CLCN4: variants seen among roughly 807,000 people sequenced by gnomAD.
CLCN4 encodes H(+)/Cl(-) exchange transporter 4.
A neutral mutation model predicts 41.7 loss-of-function variants in CLCN4; 1 was observed. The observed-to-expected ratio is 0.02, with a 90% confidence interval of 0.01 to 0.11. The LOEUF (loss-of-function observed/expected upper bound fraction) is 0.11, where lower values mean the gene tolerates loss of function less well. Ranked by LOEUF, CLCN4 falls within the 10% of genes least tolerant of loss-of-function variation. The pLI is 1.00. For synonymous variants in CLCN4, 277 were observed against 285.8 expected (o/e 0.97, Z 0.31); for missense variants, 287 against 661.0 (o/e 0.43, Z 6.20).
At chrX:10,191,987 G>A (rs1923980083) in intron 4 of CLCN4, among the ~76,000 whole-genome samples, 1 of 111,127 alleles carries the variant, frequency 9.0e-6, no homozygotes, top group Non-Finnish European at 1.9e-5. Flanking sequence ...TACATGTTCA[G>A]TAACTATCCC....
intron 2 of CLCN4, among the ~76,000 whole-genome samples, chrX:10,179,115 T>C (rs945281231): frequency 8.9e-6 from 1 of 112,636 alleles, no homozygotes; most frequent in African/African-American, 3.2e-5. Context: ...TAATGACAGA[T>C]AATCACAGCT....
At chrX:10,227,558 A>G (rs911526853) in intron 12 of CLCN4, among the ~76,000 whole-genome samples, 1 of 111,906 alleles carries the variant, frequency 8.9e-6, no homozygotes, top group Non-Finnish European at 1.9e-5. Flanking sequence ...TTTAAAATGC[A>G]TGATTCAGTG....
chrX:10,164,898 C>T (rs1243463076), intron 2 of CLCN4, among the ~76,000 whole-genome samples: 4 of 112,454 alleles, frequency 3.6e-5, no homozygotes, highest in Admixed American at 9.3e-5. Context: ...GTCAGGCTGC[C>T]GGTGGCTCCG....
At position 10,195,477 on chromosome X, in the gene CLCN4, TA is replaced by T. The variant is rs373440130; in HGVS notation, c.432+387del. On this transcript the variant is annotated intron_variant, in intron 5 of 12. Transcript: ENST00000380833. ...GAACATAACTTTTTAAGTTATCCTTTAAAAAAAACAGCTTTAGTGAGATAAA... is the reference window on the plus strand; with the variant it reads ...GAACATAACTTTTTAAGTTATCCTTTAAAAAAACAGCTTTAGTGAGATAAA... Among the ~76,000 whole-genome samples, 43 of 111,754 alleles carry T rather than the reference TA, an allele frequency of 3.8e-4. No homozygotes were observed. In the East Asian group the frequency reaches 9.2e-3, roughly 24 times the overall value.
chrX:10,184,555 G>C (rs1923763499), intron 2 of CLCN4, among the ~76,000 whole-genome samples: 1 of 111,805 alleles, frequency 8.9e-6, no homozygotes, highest in African/African-American at 3.3e-5. Flanking sequence ...TGTTTAAAAT[G>C]GCCCTGCAAT....
At chrX:10,177,606 T>C (rs748759784) in intron 2 of CLCN4, among the ~76,000 whole-genome samples, 12 of 111,631 alleles carry the variant, frequency 1.1e-4, no homozygotes, top group Non-Finnish European at 1.9e-4. Context: ...CATACATGGG[T>C]GAGTTCCCTT....
At chrX:10,177,019 T>G (rs1923549878) in intron 2 of CLCN4, among the ~76,000 whole-genome samples, 1 of 111,927 alleles carries the variant, frequency 8.9e-6, no homozygotes, top group Admixed American at 9.4e-5. Context: ...GAAACAGGAG[T>G]CGGCCAAGTT....
intron 12 of CLCN4, among the ~76,000 whole-genome samples, chrX:10,226,297 G>T (rs1243703471): frequency 9.0e-6 from 1 of 111,397 alleles, no homozygotes; most frequent in African/African-American, 3.3e-5. Context: ...AATGACTCCT[G>T]GGTAAATAAT....
intron 5 of CLCN4, 95 bp downstream of exon 5, chrX:10,195,193 C>G: frequency 1.2e-6 from 1 of 852,408 alleles, no homozygotes; most frequent in Non-Finnish European, 1.7e-6. Flanking sequence ...TGTGATTTCA[C>G]CTTCAAGTGC....
intron 6 of CLCN4, among the ~76,000 whole-genome samples, chrX:10,204,662 T>TA (rs1924332544): frequency 1.1e-5 from 1 of 92,926 alleles, no homozygotes; most frequent in African/African-American, 3.9e-5. Context: ...ATACTACTTT[T>TA]AAAAATGTTA....
In CLCN4 at chrX:10,198,077, T is replaced by C. The variant is rs1178511078; in HGVS notation, c.555+16T>C. On this transcript the variant is annotated intron_variant, in intron 6 of 12. Coordinates refer to ENST00000380833, the MANE Select transcript of CLCN4 (RefSeq NM_001830.4). ...CATACCAGAGGTGAGTTCTGGCTGA[T>C]TTTTTTGGTACCAATAATAAGAATA... 8.3e-7 allele frequency: 1 copy of C among 1,198,410 alleles called. No individual in the cohort carries two copies. The highest frequency in any genetic ancestry group is 1.1e-6 in the Non-Finnish European group (1 of 886,386).
intron 6 of CLCN4, among the ~76,000 whole-genome samples, chrX:10,201,835 C>T (rs139368717): frequency 6.4e-4 from 71 of 111,655 alleles, no homozygotes; most frequent in East Asian, 2.8e-3. Flanking sequence ...AGGTCAGGTA[C>T]GGGGGCTCAT....
chrX:10,157,536 G>C (rs1348694258), intron 1 of CLCN4, among the ~76,000 whole-genome samples: 1 of 112,534 alleles, frequency 8.9e-6, no homozygotes, highest in Non-Finnish European at 1.9e-5. Flanking sequence ...TGTGTATTTT[G>C]GCAAAAGAAA....
At position 10,237,382 on chromosome X, in the gene CLCN4, G is replaced by T. The variant is rs140942932; in HGVS notation, c.*3798G>T. Reference sequence around the variant, plus strand: ...GCCTTTGAAATGATTTACATGAGGAGAGAGCCTGTATATCTGACTTGGGAA... The same window carrying T: ...GCCTTTGAAATGATTTACATGAGGATAGAGCCTGTATATCTGACTTGGGAA... On this transcript the variant is annotated 3_prime_UTR_variant, in exon 13 of 13. Coordinates refer to ENST00000380833, the MANE Select transcript of CLCN4 (RefSeq NM_001830.4). 1.8e-4 allele frequency: 20 copies of T among 111,948 alleles called. No individual in the cohort carries two copies. Among genetic ancestry groups the T allele is most frequent in the Non-Finnish European group, 3.6e-4 (19 of 53,231 alleles). 9.2% of individuals were successfully genotyped at this position (111,948 alleles called of 1,213,427 possible).
At chrX:10,216,273 T>A (rs902194998) in intron 11 of CLCN4, among the ~76,000 whole-genome samples, 2 of 112,446 alleles carry the variant, frequency 1.8e-5, no homozygotes, top group African/African-American at 6.5e-5. Context: ...TGTTTTGTTA[T>A]GTTTTGGAAT....
chrX:10,187,654 A>G, intron 4 of CLCN4, 40 bp downstream of exon 4: 1 of 1,054,003 alleles, frequency 9.5e-7, no homozygotes, highest in Non-Finnish European at 1.3e-6. Flanking sequence ...GGGAAGCTGC[A>G]GAGGCCGAAA....
intron 11 of CLCN4, among the ~76,000 whole-genome samples, chrX:10,217,316 G>A (rs1240427994): frequency 9.0e-6 from 1 of 111,082 alleles, no homozygotes; most frequent in Non-Finnish European, 1.9e-5. Flanking sequence ...TAAAAACACA[G>A]TTCAAGTGGG....
intron 2 of CLCN4, among the ~76,000 whole-genome samples, chrX:10,162,304 C>T (rs1367168544): frequency 9.0e-6 from 1 of 111,467 alleles, no homozygotes; most frequent in South Asian, 3.8e-4. Flanking sequence ...CAGGCATGAG[C>T]CACCACGCCT....
intron 8 of CLCN4, among the ~76,000 whole-genome samples, 199 bp downstream of exon 8, chrX:10,206,975 A>T (rs2147178911): frequency 9.1e-6 from 1 of 110,049 alleles, no homozygotes; most frequent in South Asian, 3.9e-4. Context: ...GCTGCAGTGC[A>T]ATGGCGCAAT....
Sources: gnomAD v4.1 joint callset for allele counts (sites outside exome capture counted in the v4.1 genomes callset) on GRCh38, gnomAD v4.1.1 for gene constraint, MANE v1.5 for transcripts, NCBI Gene and HGNC (gene_info 2026-07-23, HGNC 2026-07-21) for gene names.